DHX8: variants seen among roughly 807,000 people sequenced by gnomAD.
DHX8 encodes the protein DEAH-box helicase 8, also known as ATP-dependent RNA helicase DHX8.
In DHX8, 67 loss-of-function variants were observed where a neutral mutation model predicts 140.7. The ratio of observed to expected loss-of-function variants is 0.48; its 90% CI spans 0.39 to 0.58. The LOEUF is 0.58. Among genes scored for constraint, DHX8 ranks in the 20% least tolerant of loss-of-function variants. The probability of loss-of-function intolerance (pLI) is 0.00; values close to 1 mark genes in which losing one functional copy is unlikely to be tolerated. For missense variants in DHX8, 887 were observed against 1,550.7 expected, an observed-to-expected ratio of 0.57 and a Z score of 7.19; for synonymous variants, 533 against 553.2, an observed-to-expected ratio of 0.96 and a Z score of 0.51.
chr17:43,532,386 G>A (rs1243681016), intron 2 of DHX8, among the ~76,000 whole-genome samples: 1 of 151,872 alleles, frequency 6.6e-6, no homozygotes, highest in Non-Finnish European at 1.5e-5. Context: ...GTAATCCCAG[G>A]TACTCGGGAG....
intron 11 of DHX8, among the ~76,000 whole-genome samples, chr17:43,500,805 A>G (rs1567683115): frequency 6.6e-6 from 1 of 151,082 alleles, no homozygotes; most frequent in South Asian, 2.1e-4. Context: ...CAGCTACTCG[A>G]GAGACTGAGG....
downstream of DHX8, chr17:43,528,547 A>G (rs761905265): frequency 6.2e-6 from 10 of 1,612,392 alleles, no homozygotes; most frequent in South Asian, 1.1e-5. Context: ...CTTGGGGCCA[A>G]ATGGCTGGGC....
In DHX8 at chr17:43,524,714, C is replaced by T; in HGVS notation, c.*867C>T. 4 of 985,412 alleles carry T rather than the reference C, an allele frequency of 4.1e-6. No homozygotes were observed. Among genetic ancestry groups the T allele is most frequent in the Non-Finnish European group, 4.8e-6 (4 of 829,918 alleles). 61.0% of individuals were successfully genotyped at this position (985,412 alleles called of 1,614,324 possible). ...TGAAACATACTAAGTAACAACACAG[C>T]TTTTATTTTATTTTGTTTTTATTTT... On this transcript the variant is annotated 3_prime_UTR_variant, in exon 23 of 23. Transcript: ENST00000262415.
rs938334166 is a variant in DHX8, at chr17:43,544,243, A to T, written c.*102A>T. 5.9e-5 allele frequency: 9 copies of T among 152,532 alleles called. No homozygotes were observed. In the Admixed American group the frequency reaches 5.9e-4, roughly 10 times the overall value. 9.4% of individuals were successfully genotyped at this position (152,532 alleles called of 1,614,324 possible). ...AACCTCCTGAACACACCACTTCCCC[A>T]TCAGACCCAGCCACGGACCCAGCCA... is the stretch of plus-strand genomic sequence containing the variant. On this transcript the variant is annotated 3_prime_UTR_variant, in exon 4 of 4. Transcript: ENST00000589898.
intron 4 of DHX8, 131 bp from the exon 5 acceptor site, chr17:43,492,052 A>G: frequency 6.1e-6 from 4 of 660,282 alleles, no homozygotes; most frequent in Non-Finnish European, 1.1e-5. Context: ...TCTATCCTGA[A>G]TCAAGTTTGA....
chr17:43,533,945 G>T (rs745361186), intron 2 of DHX8: 1 of 1,550,304 alleles, frequency 6.5e-7, no homozygotes, highest in Non-Finnish European at 8.6e-7. Flanking sequence ...GGGGACTCTG[G>T]GGCTCCTTCT....
At chr17:43,487,352 T>C (rs990120375) in intron 1 of DHX8, among the ~76,000 whole-genome samples, 1 of 152,250 alleles carries the variant, frequency 6.6e-6, no homozygotes, top group Non-Finnish European at 1.5e-5. Context: ...TACTACTTTA[T>C]GAGTTAGTCA....
chr17:43,521,586 T>TCTG, intron 21 of DHX8, 21 bp downstream of exon 21: 1 of 1,599,382 alleles, frequency 6.3e-7, no homozygotes, highest in Non-Finnish European at 8.6e-7. Flanking sequence ...ATCTGATGAC[T>TCTG]CTGCATGTTT....
rs1187402441 is a variant in DHX8, at chr17:43,507,830, A to G, written c.2131A>G (p.Met711Val). The G allele has an allele frequency of 1.2e-6, 2 of 1,614,114 alleles. No individual in the cohort carries two copies. Among genetic ancestry groups the G allele is most frequent in the Admixed American group, 1.7e-5 (1 of 59,996 alleles). ...TCAGACAGTTCAGAAACGGCAGGACATGAAGCTGATTGTCACCTCAGCCAC... is the reference window on the plus strand; with the variant it reads ...TCAGACAGTTCAGAAACGGCAGGACGTGAAGCTGATTGTCACCTCAGCCAC... ...LKKTVQKRQD[M>V]KLIVTSATLD... The change falls in exon 15 of 23, where the codon ATG becomes GTG. Residue 711 changes from methionine to valine, a missense_variant. Around this residue, in one of 9 missense-constraint regions of DHX8, gnomAD observed 178 missense variants for 398.5 expected, o/e 0.45. Coordinates refer to ENST00000262415, the MANE Select transcript of DHX8 (RefSeq NM_004941.3).
At chr17:43,504,942 A>G in intron 12 of DHX8, 117 bp downstream of exon 12, 1 of 965,964 alleles carries the variant, frequency 1.0e-6, no homozygotes, top group African/African-American at 1.7e-5. Flanking sequence ...TGGCTCATCC[A>G]AAAGAGTTAA....
At chr17:43,543,645 CAGA>C (rs1285882126) in intron 3 of DHX8, among the ~76,000 whole-genome samples, 16 of 152,232 alleles carry the variant, frequency 1.1e-4, no homozygotes, top group Middle Eastern at 6.8e-3. Flanking sequence ...TCCAGAACCT[CAGA>C]AGAAGGATGG....
intron 1 of DHX8, among the ~76,000 whole-genome samples, chr17:43,486,768 C>G (rs112759468): frequency 6.6e-6 from 1 of 151,316 alleles, no homozygotes; most frequent in Non-Finnish European, 1.5e-5. Flanking sequence ...ATCCTAGCTA[C>G]TCAGGAGGCT....
Position 43,524,986 on chromosome 17 carries a change from T to G in DHX8, c.*1139T>G. Reference sequence around the variant, plus strand: ...TTTTTTTTCTTCCCATAGAGATGGGTTCCCACTGTGCTGCCCAGGCTGCTC... The same window carrying G: ...TTTTTTTTCTTCCCATAGAGATGGGGTCCCACTGTGCTGCCCAGGCTGCTC... On this transcript the variant is annotated 3_prime_UTR_variant, in exon 23 of 23. Transcript: ENST00000262415. 1.0e-6 allele frequency: 1 copy of G among 983,658 alleles called. No individual in the cohort carries two copies. The highest frequency in any genetic ancestry group is 1.1e-4 in the East Asian group (1 of 8,730). The allele number at this position is 983,658 out of a possible 1,614,324, so 60.9% of individuals were successfully genotyped here. A position where few individuals can be genotyped will look rare whatever the true frequency, so the allele number is the denominator to read the frequency against.
downstream of DHX8, chr17:43,529,846 A>G: frequency 6.2e-7 from 1 of 1,610,056 alleles, no homozygotes; most frequent in Middle Eastern, 1.7e-4. Flanking sequence ...ACAGCGTGAT[A>G]AGACCTTGAC....
rs532606984 is a variant in DHX8, at chr17:43,507,255, A to G, written c.1923+58A>G. 232 of 1,518,130 alleles carry G rather than the reference A, an allele frequency of 1.5e-4. No homozygotes were observed. In the South Asian group the frequency reaches 2.8e-3, roughly 18 times the overall value. 94.0% of individuals were successfully genotyped at this position (1,518,130 alleles called of 1,614,324 possible). ...CAGAAGCAAAGGCCCAGGTCTCTTA[A>G]TCTATCAAATGGAAATATTAATAAT... On this transcript the variant is annotated intron_variant, in intron 13 of 22. Coordinates refer to ENST00000262415, the MANE Select transcript of DHX8 (RefSeq NM_004941.3).
chr17:43,484,430 TTTTG>T (rs891130176), intron 1 of DHX8, among the ~76,000 whole-genome samples: 47 of 152,150 alleles, frequency 3.1e-4, no homozygotes, highest in African/African-American at 1.1e-3. Context: ...CTTGATTGTT[TTTTG>T]TTTGTTTTTT....
chr17:43,542,129 G>T (rs1971555507), intron 3 of DHX8, among the ~76,000 whole-genome samples: 2 of 152,194 alleles, frequency 1.3e-5, no homozygotes, highest in African/African-American at 4.8e-5. Context: ...TTGGAGGAGG[G>T]TTGGGGAGCA....
intron 18 of DHX8, chr17:43,518,847 T>C (rs1970241246): frequency 6.6e-6 from 1 of 152,226 alleles, no homozygotes; most frequent in Non-Finnish European, 1.5e-5. Context: ...AGTGGAATCA[T>C]ACAATATTCT....
intron 10 of DHX8, 86 bp from the exon 11 acceptor site, chr17:43,499,870 C>G: frequency 6.9e-7 from 1 of 1,444,316 alleles, no homozygotes; most frequent in Non-Finnish European, 9.5e-7. Flanking sequence ...CAGATGTAGT[C>G]TCATGTTTTA....
Sources: gnomAD v4.1 joint callset for allele counts (sites outside exome capture counted in the v4.1 genomes callset) on GRCh38, gnomAD v4.1.1 for gene constraint, gnomAD v4.1.1 regional missense constraint, MANE v1.5 for transcripts, NCBI Gene and HGNC (gene_info 2026-07-23, HGNC 2026-07-21) for gene names.